The following FAF1 variants were observed in gnomAD, a reference collection of about 807,000 sequenced individuals.
FAF1 encodes FAS-associated factor 1.
A neutral mutation model predicts 92.5 loss-of-function variants in FAF1; 25 were observed. The observed-to-expected ratio is 0.27, with a 90% CI of 0.20 to 0.38. The LOEUF (loss-of-function observed/expected upper bound fraction) is 0.38, where lower values mean the gene tolerates loss of function less well. FAF1 is among the 10% of genes least tolerant of loss of function. The probability of loss-of-function intolerance (pLI) is 1.00; values close to 1 mark genes in which losing one functional copy is unlikely to be tolerated. For synonymous variants in FAF1, 234 were observed against 273.2 expected, an observed-to-expected ratio of 0.86 and a Z score of 1.42; for missense variants, 636 against 793.3, an observed-to-expected ratio of 0.80 and a Z score of 2.38.
chr1:50,612,692 G>C (rs1413203704), intron 8 of FAF1, among the ~76,000 whole-genome samples: 1 of 152,204 alleles, frequency 6.6e-6, no homozygotes, highest in Non-Finnish European at 1.5e-5. Flanking sequence ...ACATAGTGCT[G>C]CTGGGCATCT....
chr1:50,713,784 T>TC (rs1453280424), intron 6 of FAF1, among the ~76,000 whole-genome samples: 1 of 150,032 alleles, frequency 6.7e-6, no homozygotes, highest in Non-Finnish European at 1.5e-5. Context: ...TTTTTTTTTT[T>TC]TTTTTTTGAG....
At chr1:50,591,501 G>A (rs1018998956) in intron 9 of FAF1, among the ~76,000 whole-genome samples, 2 of 151,948 alleles carry the variant, frequency 1.3e-5, no homozygotes, top group East Asian at 1.9e-4. Flanking sequence ...GCGAAACCTC[G>A]TCTCTACTAA....
chr1:50,819,734 TATATAC>T lies in FAF1; in HGVS notation c.115-18063_115-18058del, dbSNP rs1390152031. On this transcript the variant is annotated intron_variant, in intron 2 of 18. Coordinates refer to ENST00000396153, the MANE Select transcript of FAF1 (RefSeq NM_007051.3). ...ATATATACGTATATATATATACATA[TATATAC>T]ATATATATATACATATATATATACG... 6.8e-3 allele frequency among the ~76,000 whole-genome samples: 204 copies of T among 30,022 alleles called. 22 individuals are homozygous for T. The highest frequency in any genetic ancestry group is 0.019 in the African/African-American group (199 of 10,730). The allele number at this position is 30,022 out of a possible 152,430, so 19.7% of individuals were successfully genotyped here. A position where few individuals can be genotyped will look rare whatever the true frequency, so the allele number is the denominator to read the frequency against.
intron 18 of FAF1, among the ~76,000 whole-genome samples, chr1:50,447,194 C>T (rs527382434): frequency 1.5e-4 from 21 of 143,060 alleles, no homozygotes; most frequent in African/African-American, 5.3e-4. Context: ...GGCACGATCT[C>T]GGCTCACTGC....
At chr1:50,633,420 T>A (rs1329767975) in intron 8 of FAF1, among the ~76,000 whole-genome samples, 1 of 152,240 alleles carries the variant, frequency 6.6e-6, no homozygotes, top group African/African-American at 2.4e-5. Context: ...GGTGTTGGTA[T>A]GAAGTGGCAC....
chr1:50,575,850 A>C (rs1007715583), intron 12 of FAF1, among the ~76,000 whole-genome samples: 11 of 152,216 alleles, frequency 7.2e-5, no homozygotes, highest in African/African-American at 2.7e-4. Flanking sequence ...TGTGGCCTCA[A>C]ATTTGTATAG....
intron 8 of FAF1, among the ~76,000 whole-genome samples, chr1:50,641,664 G>C (rs1654335341): frequency 2.6e-5 from 4 of 151,960 alleles, no homozygotes; most frequent in Admixed American, 2.6e-4. Flanking sequence ...TGCTATTATT[G>C]GGTGAAGTGT....
intron 2 of FAF1, among the ~76,000 whole-genome samples, chr1:50,836,664 C>T (rs1355933606): frequency 3.3e-5 from 5 of 152,150 alleles, no homozygotes; most frequent in African/African-American, 1.2e-4. Flanking sequence ...TGGCCAAATA[C>T]ATATACCATT....
At chr1:50,441,747 T>G (rs1427380712) in intron 18 of FAF1, among the ~76,000 whole-genome samples, 1 of 152,042 alleles carries the variant, frequency 6.6e-6, no homozygotes, top group Non-Finnish European at 1.5e-5. Flanking sequence ...CATAGTCAAG[T>G]TTGGTGGAGG....
chr1:50,850,483 T>C (rs775836504), intron 2 of FAF1, among the ~76,000 whole-genome samples: 6 of 152,168 alleles, frequency 3.9e-5, no homozygotes, highest in Non-Finnish European at 5.9e-5. Context: ...ATTTACCACA[T>C]AGATAAATTT....
Position 50,624,971 on chromosome 1 carries a change from G to A in FAF1, c.745-28755C>T, listed in dbSNP as rs367569585. Among the ~76,000 whole-genome samples the A allele has an allele frequency of 3.8e-4, 55 of 145,624 alleles. 3 individuals carry two copies. The highest frequency in any genetic ancestry group is 1.4e-3 in the African/African-American group (53 of 38,784). On this transcript the variant is annotated intron_variant, in intron 8 of 18. Transcript: ENST00000396153. ...GGCTGGAGTGCAATGGCATGATCTC[G>A]GCTCACTGAACCCTCCGCCTCCCAG...
chr1:50,813,429 T>A (rs996062336), intron 2 of FAF1, among the ~76,000 whole-genome samples: 1 of 152,102 alleles, frequency 6.6e-6, no homozygotes, highest in East Asian at 1.9e-4. Context: ...AAAAATGAGA[T>A]CTTACTATAT....
chr1:50,915,290 A>G (rs909092470), intron 1 of FAF1, among the ~76,000 whole-genome samples: 12 of 151,962 alleles, frequency 7.9e-5, no homozygotes, highest in African/African-American at 2.9e-4. Flanking sequence ...GAATCGCTTG[A>G]ACCTGGGAGG....
intron 18 of FAF1, among the ~76,000 whole-genome samples, chr1:50,443,594 G>T (rs1379301219): frequency 6.6e-6 from 1 of 152,162 alleles, no homozygotes; most frequent in South Asian, 2.1e-4. Context: ...CAAATCCTAG[G>T]TCTGTCACTT....
At chr1:50,943,923 C>T (rs542057033) in intron 1 of FAF1, among the ~76,000 whole-genome samples, 1 of 152,356 alleles carries the variant, frequency 6.6e-6, no homozygotes, top group East Asian at 1.9e-4. Flanking sequence ...GGAGAACCTA[C>T]ATCAGTCAAG....
intron 7 of FAF1, among the ~76,000 whole-genome samples, chr1:50,689,878 A>C (rs1656838601): frequency 6.6e-6 from 1 of 152,222 alleles, no homozygotes; most frequent in African/African-American, 2.4e-5. Context: ...TAATACAACA[A>C]AAACAAATTT....
intron 1 of FAF1, among the ~76,000 whole-genome samples, chr1:50,886,304 AGTATTTC>A (rs1175400291): frequency 6.6e-6 from 1 of 152,108 alleles, no homozygotes; most frequent in Non-Finnish European, 1.5e-5. Flanking sequence ...TCTTTGGGAA[AGTATTTC>A]TCCTCATGTT....
intron 8 of FAF1, among the ~76,000 whole-genome samples, chr1:50,623,494 G>A (rs771190068): frequency 6.6e-6 from 1 of 151,648 alleles, no homozygotes; most frequent in Non-Finnish European, 1.5e-5. Flanking sequence ...GCTTGAACCC[G>A]GCAGGTGGAG....
At chr1:50,890,730 C>G (rs1644712335) in intron 1 of FAF1, among the ~76,000 whole-genome samples, 1 of 152,102 alleles carries the variant, frequency 6.6e-6, no homozygotes. Flanking sequence ...TCGAGAGATC[C>G]CCTGTTAGTC....
Sources: gnomAD v4.1 joint callset for allele counts (sites outside exome capture counted in the v4.1 genomes callset) on GRCh38, gnomAD v4.1.1 for gene constraint, MANE v1.5 for transcripts, NCBI Gene and HGNC (gene_info 2026-07-23, HGNC 2026-07-21) for gene names.